Variants in SLC30A8 observed in about 807,000 individuals in gnomAD.
SLC30A8 encodes solute carrier family 30 member 8, also known as proton-coupled zinc antiporter SLC30A8.
SLC30A8 carries 27 observed loss-of-function variants against 36.9 expected under a neutral mutation model. The ratio of observed to expected loss-of-function variants is 0.73; its 90% CI spans 0.54 to 1.01. The LOEUF is 1.01. Ranked by LOEUF, SLC30A8 falls within the 50% of genes least tolerant of loss-of-function variation. The pLI is 0.00. For synonymous variants in SLC30A8, 164 were observed against 172.4 expected, an observed-to-expected ratio of 0.95 and a Z score of 0.38; for missense variants, 439 against 452.0, an observed-to-expected ratio of 0.97 and a Z score of 0.26.
intron 1 of SLC30A8, among the ~76,000 whole-genome samples, chr8:116,974,373 G>A (rs998917492): frequency 2.8e-4 from 43 of 152,264 alleles, no homozygotes; most frequent in African/African-American, 9.4e-4. Flanking sequence ...AAAAGTGGGG[G>A]AAGGACATGA....
chr8:117,146,975 G>A lies in SLC30A8; in HGVS notation c.93G>A (p.Pro31=), dbSNP rs751667454. ...ATAGTGTGGAACTCCAACAGAAACC[G>A]GTGAATAAAGATCAGTGTCCCAGAG... ...TLESVELQQK[P]VNKDQCPRER... Residue 31 remains proline, a synonymous_variant, in exon 2 of 8, where the codon CCG becomes CCA. Coordinates refer to ENST00000456015, the MANE Select transcript of SLC30A8 (RefSeq NM_173851.3). 39 of 1,613,844 alleles carry A rather than the reference G, an allele frequency of 2.4e-5. No individual in the cohort carries two copies. Among genetic ancestry groups the A allele is most frequent in the Admixed American group, 3.3e-5 (2 of 59,976 alleles).
At chr8:117,052,425 C>G (rs1307893601) in intron 2 of SLC30A8, among the ~76,000 whole-genome samples, 1 of 152,194 alleles carries the variant, frequency 6.6e-6, no homozygotes, top group African/African-American at 2.4e-5. Flanking sequence ...AACATATTTA[C>G]CATTAATTAG....
chr8:116,969,540 A>G (rs889948634), intron 1 of SLC30A8, among the ~76,000 whole-genome samples: 2 of 152,234 alleles, frequency 1.3e-5, no homozygotes, highest in South Asian at 2.1e-4. Context: ...TGACAGGAAC[A>G]CATTCTGAGA....
chr8:117,160,941 A>G (rs1822760281), intron 4 of SLC30A8, among the ~76,000 whole-genome samples: 1 of 152,252 alleles, frequency 6.6e-6, no homozygotes, highest in African/African-American at 2.4e-5. Flanking sequence ...AAGTTCAGAA[A>G]GGCAAAACAC....
At chr8:117,046,019 A>G (rs761086640) in intron 2 of SLC30A8, among the ~76,000 whole-genome samples, 26 of 151,278 alleles carry the variant, frequency 1.7e-4, no homozygotes, top group Middle Eastern at 6.8e-3. Flanking sequence ...GGCTGTCAAC[A>G]TCCTTGTGAC....
intron 6 of SLC30A8, among the ~76,000 whole-genome samples, chr8:117,168,450 T>TAAAC (rs1823179698): frequency 6.6e-6 from 1 of 152,212 alleles, no homozygotes; most frequent in African/African-American, 2.4e-5. Flanking sequence ...AGTTATTTAT[T>TAAAC]AAACACTAAT....
At chr8:116,978,495 AG>A (rs1416365164) in intron 1 of SLC30A8, among the ~76,000 whole-genome samples, 2 of 150,912 alleles carry the variant, frequency 1.3e-5, no homozygotes, top group Non-Finnish European at 3.0e-5. Context: ...AATCTAAATG[AG>A]GTGATTAGTA....
At chr8:117,016,082 G>A in intron 1 of SLC30A8, among the ~76,000 whole-genome samples, 1 of 152,170 alleles carries the variant, frequency 6.6e-6, no homozygotes, top group Non-Finnish European at 1.5e-5. Flanking sequence ...GTTACTTTCA[G>A]CCAGGTGAAT....
chr8:117,149,259 T>G (rs1322947644), intron 2 of SLC30A8, among the ~76,000 whole-genome samples: 1 of 152,206 alleles, frequency 6.6e-6, no homozygotes, highest in Non-Finnish European at 1.5e-5. Flanking sequence ...TGACTTTGTT[T>G]TTTAAAGCTT....
chr8:116,959,946 C>T (rs1020203785), intron 1 of SLC30A8, among the ~76,000 whole-genome samples: 24 of 152,218 alleles, frequency 1.6e-4, no homozygotes, highest in African/African-American at 5.5e-4. Context: ...GTCCTGCAAT[C>T]TTTAGCTTCG....
intron 2 of SLC30A8, among the ~76,000 whole-genome samples, chr8:117,042,461 A>G (rs892413797): frequency 1.5e-4 from 23 of 152,042 alleles, no homozygotes; most frequent in African/African-American, 5.1e-4. Context: ...ATCAGACTGG[A>G]TTTTGCAGAC....
intron 1 of SLC30A8, among the ~76,000 whole-genome samples, chr8:117,036,653 A>G (rs1165076437): frequency 6.6e-6 from 1 of 152,152 alleles, no homozygotes; most frequent in Non-Finnish European, 1.5e-5. Flanking sequence ...AAACACTTAT[A>G]AAACCATCAG....
At chr8:117,075,220 A>G (rs1818453248) in intron 2 of SLC30A8, among the ~76,000 whole-genome samples, 1 of 149,854 alleles carries the variant, frequency 6.7e-6, no homozygotes, top group Non-Finnish European at 1.5e-5. Flanking sequence ...CTTGAAATTA[A>G]GAATTATATT....
intron 1 of SLC30A8, among the ~76,000 whole-genome samples, chr8:117,002,040 A>G (rs1363024736): frequency 1.3e-5 from 2 of 152,180 alleles, no homozygotes. Context: ...TAAATTCAAA[A>G]CTAGGGCTCA....
intron 2 of SLC30A8, among the ~76,000 whole-genome samples, chr8:117,075,377 G>A (rs12679500): frequency 0.31 from 47,110 of 151,972 alleles, 8,147 homozygotes; most frequent in African/African-American, 0.47. Context: ...ATACTTGACT[G>A]ATTCTTTCTT....
intron 2 of SLC30A8, among the ~76,000 whole-genome samples, chr8:117,104,514 A>G (rs1819885530): frequency 6.6e-6 from 1 of 152,214 alleles, no homozygotes; most frequent in East Asian, 1.9e-4. Context: ...GTTCATGACA[A>G]TAGGTATTCT....
chr8:117,150,013 A>G (rs1822099389), intron 2 of SLC30A8, among the ~76,000 whole-genome samples: 2 of 152,200 alleles, frequency 1.3e-5, no homozygotes, highest in African/African-American at 2.4e-5. Context: ...GAGAAAACCC[A>G]TGCAGACATG....
chr8:117,060,010 G>A (rs1229713743), intron 2 of SLC30A8, among the ~76,000 whole-genome samples: 1 of 152,092 alleles, frequency 6.6e-6, no homozygotes, highest in Non-Finnish European at 1.5e-5. Context: ...GGATGTGGGA[G>A]TTGAAGAACA....
chr8:116,982,693 T>C (rs1815313126), intron 1 of SLC30A8, among the ~76,000 whole-genome samples: 1 of 152,166 alleles, frequency 6.6e-6, no homozygotes, highest in Admixed American at 6.5e-5. Flanking sequence ...TTGAACCAGA[T>C]TACATTGTTC....
Sources: gnomAD v4.1 joint callset for allele counts (sites outside exome capture counted in the v4.1 genomes callset) on GRCh38, gnomAD v4.1.1 for gene constraint, MANE v1.5 for transcripts, NCBI Gene and HGNC (gene_info 2026-07-23, HGNC 2026-07-21) for gene names.